The following ZFAND2A variants were observed in gnomAD, a reference collection of about 807,000 sequenced individuals.
The protein encoded by ZFAND2A is zinc finger AN1-type containing 2A, also known as AN1-type zinc finger protein 2A.
A neutral mutation model predicts 11.6 loss-of-function variants in ZFAND2A; 20 were observed. That is an observed-to-expected ratio of 1.72 (90% CI 1.21 to 2.50). The LOEUF (loss-of-function observed/expected upper bound fraction) is 2.50. ZFAND2A is among the 30% of genes most tolerant of loss of function. The probability of loss-of-function intolerance (pLI) is 0.00; values close to 1 mark genes in which losing one functional copy is unlikely to be tolerated. For synonymous variants in ZFAND2A, 93 were observed against 60.6 expected (o/e 1.54, Z -2.48); for missense variants, 234 against 182.9 (o/e 1.28, Z -1.61).
chr7:1,157,458 T>C (rs1554241342), intron 3 of ZFAND2A, 198 bp downstream of exon 3: 2 of 467,996 alleles, frequency 4.3e-6, no homozygotes, highest in South Asian at 3.3e-5. Flanking sequence ...TCCAACAGAA[T>C]GTCCTGTGAG....
At chr7:1,157,559 A>G (rs1793558453) in intron 3 of ZFAND2A, 97 bp downstream of exon 3, 7 of 1,213,586 alleles carry the variant, frequency 5.8e-6, no homozygotes, top group South Asian at 1.5e-5. Flanking sequence ...TTAATTTTCA[A>G]TGAGTTAGCC....
downstream of ZFAND2A, among the ~76,000 whole-genome samples, chr7:1,149,698 T>C (rs567944589): frequency 7.9e-5 from 12 of 152,286 alleles, no homozygotes; most frequent in East Asian, 2.1e-3. Context: ...AGGCTACAAA[T>C]GCGTGCAGAG....
rs1793433488 is a variant in ZFAND2A, at chr7:1,153,059, G to A, written c.*10C>T. 6.2e-7 allele frequency: 1 copy of A among 1,614,038 alleles called. No homozygotes were observed. Among genetic ancestry groups the A allele is most frequent in the Admixed American group, 1.7e-5 (1 of 60,000 alleles). Reference sequence around the variant, plus strand: ...CTGCGTGCTCCGAGCCATCGCAGCGGAGTCTCTTCTCACCCAGCTTTGATG... The same window carrying A: ...CTGCGTGCTCCGAGCCATCGCAGCGAAGTCTCTTCTCACCCAGCTTTGATG... On this transcript the variant is annotated 3_prime_UTR_variant, in exon 5 of 5. Coordinates refer to ENST00000316495, the MANE Select transcript of ZFAND2A (RefSeq NM_182491.4).
downstream of ZFAND2A, among the ~76,000 whole-genome samples, chr7:1,151,761 T>TAAAAGAAAAA (rs76095900): frequency 4.4e-5 from 1 of 22,778 alleles, no homozygotes; most frequent in African/African-American, 3.0e-4. Context: ...TTCATCCCTT[T>TAAAAGAAAAA]TAAAAAAAAA....
rs151226071 is a variant in ZFAND2A at position 1,155,778 on chromosome 7, G to A, written c.151-194C>T. 1.1e-3 allele frequency: 603 copies of A among 566,944 alleles called. 2 individuals carry two copies. Among genetic ancestry groups the A allele is most frequent in the African/African-American group, 0.01 (528 of 52,014 alleles). The allele number at this position is 566,944 out of a possible 1,614,324, so 35.1% of individuals were successfully genotyped here. On this transcript the variant is annotated intron_variant, in intron 3 of 4. Transcript: ENST00000316495. ...CATCTCTAGAATGTGGGCATCAGCT[G>A]CCCTGAGGAGTCTAGTGAAGTTTCA...
chr7:1,150,887 C>CTTTTTTTTTTTTTTTT (rs10568309), downstream of ZFAND2A, among the ~76,000 whole-genome samples: 3 of 128,106 alleles, frequency 2.3e-5, no homozygotes, highest in Non-Finnish European at 1.6e-5. Context: ...ACAACTGTGC[C>CTTTTTTTTTTTTTTTT]TTTTTTTTTT....
chr7:1,151,034 T>A (rs1473201352), downstream of ZFAND2A, among the ~76,000 whole-genome samples: 1 of 152,036 alleles, frequency 6.6e-6, no homozygotes, highest in African/African-American at 2.4e-5. Flanking sequence ...ATTACAAGCG[T>A]GTACCACCAC....
At chr7:1,150,583 C>G (rs1793380031), downstream of ZFAND2A, among the ~76,000 whole-genome samples, 1 of 152,172 alleles carries the variant, frequency 6.6e-6, no homozygotes, top group Admixed American at 6.6e-5. Context: ...TGGAAAGTGT[C>G]AGGCCACGAA....
downstream of ZFAND2A, among the ~76,000 whole-genome samples, chr7:1,151,237 G>A (rs1389977745): frequency 6.6e-6 from 1 of 152,044 alleles, no homozygotes; most frequent in Admixed American, 6.6e-5. Flanking sequence ...AAGTGGTCCA[G>A]GAAGACACAC....
downstream of ZFAND2A, among the ~76,000 whole-genome samples, chr7:1,150,597 C>T (rs532639258): frequency 2.4e-4 from 37 of 152,276 alleles, no homozygotes; most frequent in South Asian, 7.0e-3. Flanking sequence ...CCACGAAGGC[C>T]GCATCTGTCA....
At chr7:1,156,858 G>A (rs562003364) in intron 3 of ZFAND2A, among the ~76,000 whole-genome samples, 2 of 152,094 alleles carry the variant, frequency 1.3e-5, no homozygotes, top group South Asian at 2.1e-4. Flanking sequence ...AAGGGGCAGT[G>A]GGAAGACAAG....
chr7:1,155,056 T>G (rs984297745), intron 4 of ZFAND2A, among the ~76,000 whole-genome samples: 2 of 152,088 alleles, frequency 1.3e-5, no homozygotes, highest in African/African-American at 4.8e-5. Flanking sequence ...AGGCAGAGGT[T>G]GCAATGAGCC....
chr7:1,151,238 G>A (rs1167515263), downstream of ZFAND2A, among the ~76,000 whole-genome samples: 1 of 152,048 alleles, frequency 6.6e-6, no homozygotes, highest in Middle Eastern at 3.2e-3. Flanking sequence ...AGTGGTCCAG[G>A]AAGACACACC....
downstream of ZFAND2A, among the ~76,000 whole-genome samples, chr7:1,150,887 C>CTTTTTTTTTT (rs10568309): frequency 2.3e-3 from 300 of 128,058 alleles, no homozygotes; most frequent in African/African-American, 8.9e-3. Flanking sequence ...ACAACTGTGC[C>CTTTTTTTTTT]TTTTTTTTTT....
downstream of ZFAND2A, among the ~76,000 whole-genome samples, chr7:1,150,576 A>C (rs530431149): frequency 3.9e-5 from 6 of 152,322 alleles, no homozygotes; most frequent in East Asian, 1.2e-3. Flanking sequence ...ACGGTGGTGG[A>C]AAGTGTCAGG....
At chr7:1,159,039 CGTCTA>C (rs1205550588) in intron 1 of ZFAND2A, among the ~76,000 whole-genome samples, 1 of 152,132 alleles carries the variant, frequency 6.6e-6, no homozygotes, top group Non-Finnish European at 1.5e-5. Context: ...CCATGGCAAA[CGTCTA>C]GTTATCCCCT....
At position 1,153,787 on chromosome 7, in the gene ZFAND2A, T is replaced by C. The variant is rs984156588; in HGVS notation, c.283-563A>G. On this transcript the variant is annotated intron_variant, in intron 4 of 4. Transcript: ENST00000316495. Reference sequence around the variant, plus strand: ...TGGTGAAACCCCATCTCCACTAAAATATAAAAGATTAGCCAGGCATGGTGG... The same window carrying C: ...TGGTGAAACCCCATCTCCACTAAAACATAAAAGATTAGCCAGGCATGGTGG... 1.8e-4 allele frequency among the ~76,000 whole-genome samples: 27 copies of C among 152,008 alleles called. 1 individual carries two copies. The highest frequency in any genetic ancestry group is 6.5e-4 in the African/African-American group (27 of 41,378).
At chr7:1,150,648 C>T (rs941034088), downstream of ZFAND2A, among the ~76,000 whole-genome samples, 3 of 152,176 alleles carry the variant, frequency 2.0e-5, no homozygotes, top group Non-Finnish European at 4.4e-5. Context: ...ACCCCCCTTC[C>T]CTCCCGTTTT....
intron 1 of ZFAND2A, among the ~76,000 whole-genome samples, chr7:1,159,402 C>A (rs1444742010): frequency 6.6e-6 from 1 of 152,160 alleles, no homozygotes; most frequent in African/African-American, 2.4e-5. Context: ...CGACCCCGTG[C>A]GACCCGGTAC....
Sources: gnomAD v4.1 joint callset for allele counts (sites outside exome capture counted in the v4.1 genomes callset) on GRCh38, gnomAD v4.1.1 for gene constraint, MANE v1.5 for transcripts, NCBI Gene and HGNC (gene_info 2026-07-23, HGNC 2026-07-21) for gene names.